ZNF138: variants seen among roughly 807,000 people sequenced by gnomAD.
ZNF138 encodes the protein zinc finger protein 138, also known as zinc finger protein 138 (clone pHZ-32).
Under a neutral mutation model 33.0 loss-of-function variants are expected in ZNF138, and 33 were observed. The observed-to-expected ratio is 1.00, with a 90% CI of 0.76 to 1.34. ZNF138 has a LOEUF of 1.34. Ranked by LOEUF, ZNF138 falls within the 40% of genes most tolerant of loss-of-function variation. The pLI is 0.00. For synonymous variants in ZNF138, 139 were observed against 120.4 expected (o/e 1.15, Z -1.01); for missense variants, 360 against 370.8 (o/e 0.97, Z 0.24).
chr7:64,802,344 C>A (rs1787200943), intron 1 of ZNF138, among the ~76,000 whole-genome samples: 1 of 152,122 alleles, frequency 6.6e-6, no homozygotes, highest in Non-Finnish European at 1.5e-5. Flanking sequence ...TTTCTTCTTA[C>A]TGGACTTAAA....
At chr7:64,850,560 G>C in the ZNF138 span, among the ~76,000 whole-genome samples, 1 of 152,166 alleles carries the variant, frequency 6.6e-6, no homozygotes, top group African/African-American at 2.4e-5. Context: ...AAAATAAAAA[G>C]TAGCATTGGA....
At chr7:64,853,023 C>T in the ZNF138 span, 8 of 1,495,004 alleles carry the variant, frequency 5.4e-6, no homozygotes, top group East Asian at 2.3e-5. Context: ...ACCCCCATTG[C>T]GTAGAGGTCA....
chr7:64,857,963 A>G, the ZNF138 span, among the ~76,000 whole-genome samples: 151 of 152,368 alleles, frequency 9.9e-4, no homozygotes, highest in Admixed American at 1.7e-3. Flanking sequence ...TATAGATGAG[A>G]CTATTAGTAT....
the ZNF138 span, among the ~76,000 whole-genome samples, chr7:64,854,888 A>G: frequency 1.3e-5 from 2 of 152,200 alleles, no homozygotes; most frequent in Non-Finnish European, 2.9e-5. Flanking sequence ...ATATACATAC[A>G]TTGCTTTTCT....
chr7:64,832,418 A>C lies in ZNF138; in HGVS notation c.*216A>C. On this transcript the variant is annotated 3_prime_UTR_variant, in exon 4 of 4. Coordinates refer to ENST00000307355, the MANE Select transcript of ZNF138 (RefSeq NM_001271639.2). ...TTCATACTGGAGAAAAACCCTACAA[A>C]TGTAAAGAATGTGGAAAAGCTTTTC... The C allele has an allele frequency of 6.7e-7, 1 of 1,486,200 alleles. No individual in the cohort carries two copies. The highest frequency in any genetic ancestry group is 1.4e-5 in the African/African-American group (1 of 71,076). 92.1% of individuals were successfully genotyped at this position (1,486,200 alleles called of 1,614,324 possible).
chr7:64,801,515 G>T (rs984045770), intron 1 of ZNF138, among the ~76,000 whole-genome samples: 1 of 152,052 alleles, frequency 6.6e-6, no homozygotes, highest in African/African-American at 2.4e-5. Context: ...TCAATCTGTG[G>T]TCTGAGTATG....
chr7:64,799,282 G>C (rs543595320), intron 1 of ZNF138, among the ~76,000 whole-genome samples: 6 of 151,506 alleles, frequency 4.0e-5, no homozygotes, highest in Admixed American at 1.3e-4. Context: ...TTCTCCTGCC[G>C]CAGCCTCCTG....
In ZNF138 at chr7:64,801,905, C is replaced by T. The variant is rs563061452; in HGVS notation, c.3+7334C>T. On this transcript the variant is annotated intron_variant, in intron 1 of 3. Transcript: ENST00000307355. ...AAGTTAAGCTGGGAACGGGGTCACA[C>T]AAACCTGCCTTCCTCTTTTGGCTCT... Among the ~76,000 whole-genome samples, 16 of 152,322 alleles carry T rather than the reference C, an allele frequency of 1.1e-4. No individual in the cohort carries two copies. In the South Asian group the frequency reaches 3.1e-3, roughly 30 times the overall value.
chr7:64,835,676 C>G (rs1277660286), downstream of ZNF138: 1 of 152,146 alleles, frequency 6.6e-6, no homozygotes, highest in Non-Finnish European at 1.5e-5. Context: ...GTAAGCAAGT[C>G]TAAGGCCCGC....
At chr7:64,836,229 G>A (rs538225211), downstream of ZNF138, 2 of 152,220 alleles carry the variant, frequency 1.3e-5, no homozygotes, top group African/African-American at 4.8e-5. Flanking sequence ...TATAATTAAA[G>A]GGGGTAGGGA....
At chr7:64,797,535 C>CA (rs1409493371) in intron 1 of ZNF138, among the ~76,000 whole-genome samples, 23 of 152,096 alleles carry the variant, frequency 1.5e-4, no homozygotes, top group African/African-American at 5.5e-4. Flanking sequence ...ATTAAAGGCC[C>CA]AGTTAGTTCT....
intron 3 of ZNF138, 24 bp downstream of exon 3, chr7:64,815,677 T>A: frequency 1.2e-6 from 2 of 1,600,758 alleles, no homozygotes; most frequent in Non-Finnish European, 1.7e-6. Flanking sequence ...AATACACAGA[T>A]GGCACAGATG....
intron 3 of ZNF138, among the ~76,000 whole-genome samples, chr7:64,818,469 G>A (rs1447270137): frequency 6.6e-6 from 1 of 151,950 alleles, no homozygotes; most frequent in African/African-American, 2.4e-5. Flanking sequence ...AATGCTTGTT[G>A]AGCCGGATGT....
rs1789581544 is a variant in ZNF138, at chr7:64,825,977, G to GT, written c.209-5473dup. On this transcript the variant is annotated intron_variant, in intron 3 of 3. Transcript: ENST00000307355. The stretch of plus-strand genomic sequence containing the variant: ...CACCCTGTCAAGTAGCTGTTTACAC[G>GT]TAAGTACCATTACACCCAGCTAGTT... Among the ~76,000 whole-genome samples, 4 of 152,102 alleles carry GT rather than the reference G, an allele frequency of 2.6e-5. No homozygotes were observed. The South Asian group carries it at 8.3e-4, about 32-fold the overall frequency.
At chr7:64,814,287 G>C (rs748314141) in intron 1 of ZNF138, 39 of 298,550 alleles carry the variant, frequency 1.3e-4, no homozygotes, top group Non-Finnish European at 2.2e-4. Flanking sequence ...TTTTCCATCT[G>C]AAAAATACAC....
At chr7:64,817,211 A>G (rs1473374592) in intron 3 of ZNF138, among the ~76,000 whole-genome samples, 1 of 152,224 alleles carries the variant, frequency 6.6e-6, no homozygotes, top group African/African-American at 2.4e-5. Context: ...CAGGGACCAC[A>G]GTAAAGGGCA....
At chr7:64,849,261 G>A in the ZNF138 span, among the ~76,000 whole-genome samples, 1 of 152,152 alleles carries the variant, frequency 6.6e-6, no homozygotes, top group African/African-American at 2.4e-5. Flanking sequence ...GCTGGTACTG[G>A]GGGTTGTCTG....
At chr7:64,800,978 C>G (rs1390938087) in intron 1 of ZNF138, among the ~76,000 whole-genome samples, 1 of 152,084 alleles carries the variant, frequency 6.6e-6, no homozygotes, top group African/African-American at 2.4e-5. Flanking sequence ...TGGAAGTGTT[C>G]ATAGTAGACT....
chr7:64,795,100 T>A (rs910906573), intron 1 of ZNF138, among the ~76,000 whole-genome samples: 4 of 152,142 alleles, frequency 2.6e-5, no homozygotes, highest in African/African-American at 9.7e-5. Flanking sequence ...CCAAATTCAG[T>A]AATTGGTTAG....
Sources: allele counts gnomAD v4.1 joint callset (sites outside exome capture counted in the v4.1 genomes callset), GRCh38; gene constraint gnomAD v4.1.1; transcripts MANE v1.5; gene names NCBI Gene and HGNC (gene_info 2026-07-23, HGNC 2026-07-21).